Variants in CAMK2D observed in about 807,000 individuals in gnomAD.
The protein encoded by CAMK2D is calcium/calmodulin-dependent protein kinase type II subunit delta.
A neutral mutation model predicts 84.0 loss-of-function variants in CAMK2D; 37 were observed. The ratio of observed to expected loss-of-function variants is 0.44; its 90% CI spans 0.34 to 0.58. The LOEUF (loss-of-function observed/expected upper bound fraction) is 0.58. Ranked by LOEUF, CAMK2D falls within the 20% of genes least tolerant of loss-of-function variation. The pLI, the probability that CAMK2D is intolerant of heterozygous loss-of-function variation, is 0.02. For missense variants in CAMK2D, 448 were observed against 652.5 expected (o/e 0.69, Z 3.41); for synonymous variants, 202 against 212.5 (o/e 0.95, Z 0.43).
intron 2 of CAMK2D, among the ~76,000 whole-genome samples, chr4:113,690,233 C>G (rs982592878): frequency 6.6e-6 from 1 of 152,142 alleles, no homozygotes; most frequent in Non-Finnish European, 1.5e-5. Context: ...GCAACCCTAC[C>G]TCCATTCCTG....
intron 3 of CAMK2D, among the ~76,000 whole-genome samples, chr4:113,648,202 G>A (rs550565188): frequency 9.2e-5 from 14 of 152,108 alleles, no homozygotes; most frequent in South Asian, 4.2e-4. Flanking sequence ...AAAATATTTT[G>A]TTCCCAAATA....
chr4:113,547,512 G>T (rs2098588701), intron 6 of CAMK2D, 132 bp downstream of exon 6: 1 of 500,218 alleles, frequency 2.0e-6, no homozygotes. Flanking sequence ...GTGAGGGAAA[G>T]TTCCTGAGTA....
chr4:113,678,123 T>G (rs2099326556), intron 2 of CAMK2D, among the ~76,000 whole-genome samples: 1 of 152,164 alleles, frequency 6.6e-6, no homozygotes. Context: ...GAGTTGTCAT[T>G]AGAAATCCTC....
At position 113,493,239 on chromosome 4, in the gene CAMK2D, G is replaced by C. The variant is rs182756620; in HGVS notation, c.1135+7224C>G. Among the ~76,000 whole-genome samples the C allele has an allele frequency of 1.4e-4, 21 of 151,954 alleles. No homozygotes were observed. In the East Asian group the frequency reaches 3.1e-3, roughly 22 times the overall value. ...GTTGATGCAGTTTCTTCCTAGTCTCGATGGTCTTTACATTTAGGCATGATT... is the reference window on the plus strand; with the variant it reads ...GTTGATGCAGTTTCTTCCTAGTCTCCATGGTCTTTACATTTAGGCATGATT... On this transcript the variant is annotated intron_variant, in intron 16 of 20. Transcript: ENST00000511664.
In CAMK2D at chr4:113,588,044, A is replaced by G. The variant is rs374545670; in HGVS notation, c.275+21108T>C. ...GGTTGAATAGTTTTCAGATTCCAAA[A>G]TAAGAGATTAAAAAAGCAAACAAAA... On this transcript the variant is annotated intron_variant, in intron 4 of 20. Coordinates refer to ENST00000511664, the MANE Select transcript of CAMK2D (RefSeq NM_001321571.2). Among the ~76,000 whole-genome samples the G allele has an allele frequency of 2.1e-4, 32 of 152,252 alleles. No homozygotes were observed. The East Asian group carries it at 3.3e-3, about 16-fold the overall frequency.
chr4:113,602,899 T>C (rs1031744937), intron 4 of CAMK2D, among the ~76,000 whole-genome samples: 2 of 152,226 alleles, frequency 1.3e-5, no homozygotes, highest in African/African-American at 4.8e-5. Context: ...CCAACACATA[T>C]GTTCAGGTGA....
chr4:113,578,956 T>C (rs1319060929), intron 4 of CAMK2D, among the ~76,000 whole-genome samples: 1 of 142,842 alleles, frequency 7.0e-6, no homozygotes, highest in Non-Finnish European at 1.5e-5. Context: ...AATTAAAAAA[T>C]ATGCTACAAA....
chr4:113,721,466 T>C (rs551979259), intron 2 of CAMK2D, among the ~76,000 whole-genome samples: 1 of 152,264 alleles, frequency 6.6e-6, no homozygotes, highest in African/African-American at 2.4e-5. Context: ...CTACAACCAA[T>C]TGTGTCACTA....
chr4:113,535,538 G>A (rs1399956508), intron 7 of CAMK2D, among the ~76,000 whole-genome samples: 1 of 152,106 alleles, frequency 6.6e-6, no homozygotes, highest in Non-Finnish European at 1.5e-5. Context: ...AATCTCTAAG[G>A]TGAAATCCAA....
chr4:113,664,219 C>G (rs1405677325), intron 2 of CAMK2D, among the ~76,000 whole-genome samples: 1 of 152,186 alleles, frequency 6.6e-6, no homozygotes, highest in South Asian at 2.1e-4. Context: ...GTCTGTTGTA[C>G]TTTGTTGTGG....
chr4:113,731,529 C>T (rs2099568769), intron 2 of CAMK2D, among the ~76,000 whole-genome samples: 1 of 150,094 alleles, frequency 6.7e-6, no homozygotes, highest in Admixed American at 6.6e-5. Context: ...CATTTTATTT[C>T]TTGATGATGA....
intron 9 of CAMK2D, among the ~76,000 whole-genome samples, chr4:113,517,210 A>G (rs1053400158): frequency 3.3e-5 from 5 of 152,128 alleles, no homozygotes; most frequent in African/African-American, 1.2e-4. Flanking sequence ...ATATAAAATT[A>G]TGTGATAGAT....
At chr4:113,546,449 C>T (rs1034171625) in intron 6 of CAMK2D, among the ~76,000 whole-genome samples, 3 of 152,156 alleles carry the variant, frequency 2.0e-5, no homozygotes, top group Admixed American at 6.5e-5. Flanking sequence ...ATATTTAAAA[C>T]TCTCAGAATT....
chr4:113,706,738 T>A (rs1019379543), intron 2 of CAMK2D, among the ~76,000 whole-genome samples: 1 of 152,162 alleles, frequency 6.6e-6, no homozygotes, highest in Non-Finnish European at 1.5e-5. Flanking sequence ...TACAAAGAAA[T>A]AACTTTGGTG....
At chr4:113,659,495 G>A (rs538102552) in intron 3 of CAMK2D, among the ~76,000 whole-genome samples, 8 of 152,250 alleles carry the variant, frequency 5.3e-5, no homozygotes, top group African/African-American at 1.9e-4. Context: ...ATCAGTGTGG[G>A]CCCTAATCCA....
At chr4:113,621,724 T>G (rs1028939315) in intron 3 of CAMK2D, among the ~76,000 whole-genome samples, 16 of 152,212 alleles carry the variant, frequency 1.1e-4, no homozygotes, top group African/African-American at 3.6e-4. Context: ...AATCAAGGAA[T>G]GGTGATCTCA....
At chr4:113,462,278 GTGTGTGTGTGTGTGTGTC>G (rs1460651992) in intron 17 of CAMK2D, among the ~76,000 whole-genome samples, 2,052 of 83,224 alleles carry the variant, frequency 0.025, 26 homozygotes, top group South Asian at 0.054. Context: ...GTGTGTGTGT[GTGTGTGTGTGTGTGTGTC>G]TGTCTGTCTG....
At chr4:113,753,271 AT>A (rs2099621350) in intron 2 of CAMK2D, among the ~76,000 whole-genome samples, 1 of 151,986 alleles carries the variant, frequency 6.6e-6, no homozygotes, top group African/African-American at 2.4e-5. Flanking sequence ...AATAATGGCT[AT>A]TAATATTTAT....
chr4:113,674,264 T>A (rs1043996501), intron 2 of CAMK2D, among the ~76,000 whole-genome samples: 1 of 152,176 alleles, frequency 6.6e-6, no homozygotes, highest in Admixed American at 6.5e-5. Flanking sequence ...TTATGATACA[T>A]ATGAAATGCA....
Sources: allele counts gnomAD v4.1 joint callset (sites outside exome capture counted in the v4.1 genomes callset), GRCh38; gene constraint gnomAD v4.1.1; transcripts MANE v1.5; gene names NCBI Gene and HGNC (gene_info 2026-07-23, HGNC 2026-07-21).